CIITA: variants seen among roughly 807,000 people sequenced by gnomAD.
CIITA encodes MHC class II transactivator.
A neutral mutation model predicts 115.1 loss-of-function variants in CIITA; 72 were observed. The observed-to-expected ratio is 0.63, with a 90% CI of 0.52 to 0.76. The LOEUF is 0.76. Among genes scored for constraint, CIITA ranks in the 30% least tolerant of loss-of-function variants. The pLI is 0.00. For missense variants in CIITA, 1,617 were observed against 1,463.8 expected (o/e 1.10, Z -1.71); for synonymous variants, 763 against 635.6 (o/e 1.20, Z -3.02).
chr16:10,903,476 A>C, intron 8 of CIITA, among the ~76,000 whole-genome samples: 1 of 152,218 alleles, frequency 6.6e-6, no homozygotes, highest in East Asian at 1.9e-4. Flanking sequence ...AGAGTGCAAT[A>C]GTAGTACCTG....
At position 10,895,191 on chromosome 16, in the gene CIITA, A is replaced by C. The variant is rs982525258; in HGVS notation, c.53-91A>C. On this transcript the variant is annotated intron_variant, in intron 1 of 19. Transcript: ENST00000324288. Reference sequence around the variant, plus strand: ...GCTTTTATTCACTCCTCTCATCCCCAGCCCTCACCAGCTGGGAGTTGTTGT... The same window carrying C: ...GCTTTTATTCACTCCTCTCATCCCCCGCCCTCACCAGCTGGGAGTTGTTGT... The C allele has an allele frequency of 7.4e-6, 11 of 1,494,790 alleles. No individual in the cohort carries two copies. The Admixed American group carries it at 1.2e-4, about 16-fold the overall frequency. 92.6% of individuals were successfully genotyped at this position (1,494,790 alleles called of 1,614,324 possible).
chr16:10,898,695 G>A lies in CIITA; in HGVS notation c.321G>A (p.Gln107=). 1.9e-6 allele frequency: 3 copies of A among 1,611,604 alleles called. No homozygotes were observed. In the Admixed American group the frequency reaches 5.0e-5, roughly 27 times the overall value. The change falls in exon 4 of 20, where the codon CAG becomes CAA. Residue 107 remains glutamine (Q), a synonymous_variant. Coordinates refer to ENST00000324288, the MANE Select transcript of CIITA (RefSeq NM_000246.4). ...CGGAACTGGACCAGTATGTCTTCCA[G>A]GACTCCCAGCTGGAGGGCCTGAGCA... The part of the protein sequence containing the change: ...NIAELDQYVF[Q]DSQLEGLSKD...
chr16:10,903,793 A>G lies in CIITA; in HGVS notation c.835A>G (p.Thr279Ala), dbSNP rs145961289. ...PSGFTVHGLP[T>A]SPDRPGSTSP... Reference sequence around the variant, plus strand: ...TGGATTCACTGTCCACGGCCTCCCAACATCTCCAGACCGGCCAGGCTCCAC... The same window carrying G: ...TGGATTCACTGTCCACGGCCTCCCAGCATCTCCAGACCGGCCAGGCTCCAC... The change falls in exon 9 of 20, where the codon ACA becomes GCA. Residue 279 changes from threonine to alanine, a missense_variant. By Grantham distance (58) the Thr-to-Ala change is moderately conservative. Coordinates refer to ENST00000324288, the MANE Select transcript of CIITA (RefSeq NM_000246.4). The G allele has an allele frequency of 2.2e-4, 350 of 1,613,992 alleles. No homozygotes were observed. Among genetic ancestry groups the G allele is most frequent in the Admixed American group, 5.2e-4 (31 of 60,010 alleles).
upstream of CIITA, among the ~76,000 whole-genome samples, chr16:10,876,402 A>G (rs1406761685): frequency 6.6e-6 from 1 of 152,256 alleles, no homozygotes; most frequent in Non-Finnish European, 1.5e-5. Flanking sequence ...ACAAGAAAGC[A>G]GAGTGATGTT....
chr16:10,903,456 C>A (rs1485344925), intron 8 of CIITA, among the ~76,000 whole-genome samples: 1 of 152,174 alleles, frequency 6.6e-6, no homozygotes, highest in South Asian at 2.1e-4. Flanking sequence ...GCACTGACCA[C>A]ACAGCAGGAA....
rs1185620740 is a variant in CIITA, at chr16:10,920,220, C to G, written c.3149+1694C>G. Among the ~76,000 whole-genome samples, 1 of 152,152 alleles carries G rather than the reference C, an allele frequency of 6.6e-6. No individual in the cohort carries two copies. The highest frequency in any genetic ancestry group is 2.4e-5 in the African/African-American group (1 of 41,436). On this transcript the variant is annotated intron_variant, in intron 16 of 19. Transcript: ENST00000324288. The surrounding 1 kb of genome is among the most constrained non-coding windows in gnomAD (Gnocchi z 4.5). ...AAAGTAGGTGGGCCTGGGAAGGCGA[C>G]ACTTGATCTGATTTACACTTTTCTT...
chr16:10,909,281 C>T (rs980934148), intron 12 of CIITA, 94 bp downstream of exon 12: 5 of 1,340,044 alleles, frequency 3.7e-6, no homozygotes, highest in Non-Finnish European at 4.3e-6. Flanking sequence ...TTTCCAGTGC[C>T]CCCTGTCCTC....
chr16:10,918,199 G>C (rs1480157170), intron 15 of CIITA, among the ~76,000 whole-genome samples: 1 of 152,208 alleles, frequency 6.6e-6, no homozygotes, highest in Non-Finnish European at 1.5e-5. Context: ...AGGGAAAAGA[G>C]GGGATGTTGT....
rs2040440752 is a variant in CIITA, at chr16:10,924,373, A to AG, written c.*518_*519insG. 6.6e-6 allele frequency: 1 copy of AG among 152,402 alleles called. No homozygotes were observed. Among genetic ancestry groups the AG allele is most frequent in the East Asian group, 1.9e-4 (1 of 5,206 alleles). The allele number at this position is 152,402 out of a possible 1,614,324, so 9.4% of individuals were successfully genotyped here. A position where few individuals can be genotyped will look rare whatever the true frequency, so the allele number is the denominator to read the frequency against. ...TTCAGCCTCCCGAGTAGCTGGGACT[A>AG]CAGGCACCCACCATCATGTCTGGCT... is the stretch of plus-strand genomic sequence containing the variant. On this transcript the variant is annotated 3_prime_UTR_variant, in exon 20 of 20. Coordinates refer to ENST00000324288, the MANE Select transcript of CIITA (RefSeq NM_000246.4).
Position 10,899,723 on chromosome 16 carries a change from T to C in CIITA, c.436+721T>C, listed in dbSNP as rs1462463592. On this transcript the variant is annotated intron_variant, in intron 5 of 19. Coordinates refer to ENST00000324288, the MANE Select transcript of CIITA (RefSeq NM_000246.4). ...TCTGACCATGTGTAAGTCCTGTATC[T>C]ATTTATTCAGTTCTTAAACAGGTGA... 2.0e-5 allele frequency among the ~76,000 whole-genome samples: 3 copies of C among 152,328 alleles called. No individual in the cohort carries two copies. The East Asian group carries it at 5.8e-4, about 29-fold the overall frequency.
intron 13 of CIITA, 108 bp downstream of exon 13, chr16:10,910,367 C>G (rs919778855): frequency 1.0e-6 from 1 of 966,854 alleles, no homozygotes. Context: ...TCATTCTTAC[C>G]CTCTTGCCCA....
intron 1 of CIITA, among the ~76,000 whole-genome samples, chr16:10,877,940 AC>A (rs2035998274): frequency 6.6e-6 from 1 of 152,132 alleles, no homozygotes; most frequent in Non-Finnish European, 1.5e-5. Flanking sequence ...CAGTGCAGAC[AC>A]CTGGCACCGG....
At chr16:10,875,140 G>C (rs538910138), upstream of CIITA, among the ~76,000 whole-genome samples, 14 of 152,090 alleles carry the variant, frequency 9.2e-5, no homozygotes, top group East Asian at 2.7e-3. Context: ...TGTATTTTTA[G>C]TAGAGAAAGG....
Position 10,935,161 on chromosome 16 carries a change from A to G in CIITA, c.*11306A>G, listed in dbSNP as rs908151798. The G allele has an allele frequency of 1.2e-4, 18 of 152,376 alleles. No individual in the cohort carries two copies. Among genetic ancestry groups the G allele is most frequent in the African/African-American group, 4.3e-4 (18 of 41,598 alleles). The allele number at this position is 152,376 out of a possible 1,614,324, so 9.4% of individuals were successfully genotyped here. A position where few individuals can be genotyped will look rare whatever the true frequency, so the allele number is the denominator to read the frequency against. On this transcript the variant is annotated 3_prime_UTR_variant, in exon 20 of 20. Coordinates refer to ENST00000324288, the MANE Select transcript of CIITA (RefSeq NM_000246.4). ...GAGATGAAGTCTGAGGTGTTGGTGGAGCTGGGATTTAAACCAAAATATGTC... is the reference window on the plus strand; with the variant it reads ...GAGATGAAGTCTGAGGTGTTGGTGGGGCTGGGATTTAAACCAAAATATGTC...
intron 1 of CIITA, among the ~76,000 whole-genome samples, chr16:10,894,219 T>G (rs569384936): frequency 5.3e-4 from 81 of 152,210 alleles, no homozygotes; most frequent in Non-Finnish European, 1.1e-3. Context: ...TCATACAATA[T>G]GTGACCCTTT....
At chr16:10,867,244 A>C (rs1596375377) in intron 1 of CIITA, among the ~76,000 whole-genome samples, 1 of 98,292 alleles carries the variant, frequency 1.0e-5, no homozygotes, top group Non-Finnish European at 2.2e-5. Context: ...ACTCCATCTC[A>C]AAAAAAAAAA....
chr16:10,902,295 T>TATCA (rs1395058575), intron 7 of CIITA, 111 bp downstream of exon 7: 2 of 1,444,114 alleles, frequency 1.4e-6, no homozygotes, highest in Non-Finnish European at 1.9e-6. Context: ...TCCCCAACCC[T>TATCA]ATCAGTGTCA....
intron 13 of CIITA, among the ~76,000 whole-genome samples, chr16:10,911,611 G>C (rs2039589764): frequency 6.6e-6 from 1 of 150,718 alleles, no homozygotes; most frequent in African/African-American, 2.4e-5. Flanking sequence ...CTGGAGTTCA[G>C]TGGCACAATC....
At chr16:10,916,186 G>T (rs556468789) in intron 14 of CIITA, among the ~76,000 whole-genome samples, 181 bp from the exon 15 acceptor site, 2 of 152,264 alleles carry the variant, frequency 1.3e-5, no homozygotes, top group South Asian at 4.1e-4. Context: ...TGCCTGGTTG[G>T]AGCCCCCAGG....
Sources: gnomAD v4.1 joint callset for allele counts (sites outside exome capture counted in the v4.1 genomes callset) on GRCh38, gnomAD v4.1.1 for gene constraint, Gnocchi (gnomAD v3.1) non-coding constraint, MANE v1.5 for transcripts, NCBI Gene and HGNC (gene_info 2026-07-23, HGNC 2026-07-21) for gene names.